The following PIBF1 variants were observed in gnomAD, a reference collection of about 807,000 sequenced individuals.
PIBF1 encodes progesterone immunomodulatory binding factor 1, also known as progesterone-induced-blocking factor 1.
Under a neutral mutation model 112.5 loss-of-function variants are expected in PIBF1, and 90 were observed. The observed-to-expected ratio is 0.80, with a 90% CI of 0.67 to 0.95. The LOEUF is 0.95. PIBF1 is among the 40% of genes least tolerant of loss of function. The pLI, the probability that PIBF1 is intolerant of heterozygous loss-of-function variation, is 0.00. For synonymous variants in PIBF1, 301 were observed against 288.6 expected, an observed-to-expected ratio of 1.04 and a Z score of -0.44; for missense variants, 915 against 852.3, an observed-to-expected ratio of 1.07 and a Z score of -0.92.
intron 10 of PIBF1, among the ~76,000 whole-genome samples, chr13:72,868,170 A>G (rs1045323729): frequency 1.3e-5 from 2 of 152,114 alleles, no homozygotes; most frequent in African/African-American, 2.4e-5. Context: ...CAGAGTGGGC[A>G]TGTGCCTATA....
chr13:72,903,178 C>T (rs1024633698), intron 11 of PIBF1, among the ~76,000 whole-genome samples: 2 of 152,148 alleles, frequency 1.3e-5, no homozygotes, highest in Non-Finnish European at 2.9e-5. Flanking sequence ...GGATTACAGG[C>T]GTGAGCCACC....
chr13:72,965,174 G>T (rs1201307862), intron 14 of PIBF1, 100 bp from the exon 15 acceptor site: 9 of 1,065,056 alleles, frequency 8.5e-6, no homozygotes, highest in Non-Finnish European at 1.1e-5. Flanking sequence ...AATAATTCAT[G>T]TCAAAGGAAT....
chr13:72,795,298 G>C (rs1214544916), intron 3 of PIBF1, 61 bp from the exon 4 acceptor site: 2 of 1,037,336 alleles, frequency 1.9e-6, no homozygotes, highest in Non-Finnish European at 2.9e-6. Context: ...ATAGGAAACT[G>C]TGAGAAAATT....
intron 10 of PIBF1, among the ~76,000 whole-genome samples, chr13:72,886,764 T>A (rs1167253332): frequency 6.6e-6 from 1 of 152,050 alleles, no homozygotes; most frequent in Non-Finnish European, 1.5e-5. Context: ...AAAAAAGACC[T>A]CTCACATTCA....
intron 11 of PIBF1, among the ~76,000 whole-genome samples, chr13:72,895,128 T>A (rs945440520): frequency 4.0e-5 from 6 of 151,836 alleles, no homozygotes; most frequent in Non-Finnish European, 7.4e-5. Flanking sequence ...ATCAAAAAAA[T>A]TTTTTAAAGT....
intron 15 of PIBF1, chr13:72,969,693 A>C (rs2042839728): frequency 6.6e-6 from 1 of 152,226 alleles, no homozygotes; most frequent in African/African-American, 2.4e-5. Flanking sequence ...TGGCATTTCA[A>C]ATCCTAGAGT....
At chr13:72,997,228 T>C (rs2043706453) in intron 16 of PIBF1, among the ~76,000 whole-genome samples, 1 of 152,212 alleles carries the variant, frequency 6.6e-6, no homozygotes, top group African/African-American at 2.4e-5. Context: ...GTTTTTCTTT[T>C]CATAGGCTTT....
chr13:72,959,183 A>G (rs1445495020), intron 14 of PIBF1, among the ~76,000 whole-genome samples: 1 of 145,446 alleles, frequency 6.9e-6, no homozygotes, highest in East Asian at 1.9e-4. Flanking sequence ...TTTAGTAGAG[A>G]CGGGGTTTTG....
intron 9 of PIBF1, chr13:72,836,029 A>G (rs1204254667): frequency 1.4e-5 from 6 of 416,756 alleles, no homozygotes; most frequent in African/African-American, 1.0e-4. Context: ...AACCGGGGAC[A>G]CAGAGCTTGC....
At position 72,904,863 on chromosome 13, in the gene PIBF1, TG is replaced by T; in HGVS notation, c.1489-3667del. Among the ~76,000 whole-genome samples, 5 of 152,224 alleles carry T rather than the reference TG, an allele frequency of 3.3e-5. No homozygotes were observed. The South Asian group carries it at 1.0e-3, about 32-fold the overall frequency. On this transcript the variant is annotated intron_variant, in intron 11 of 17. Coordinates refer to ENST00000326291, the MANE Select transcript of PIBF1 (RefSeq NM_006346.4). ...CTGTATGCACTGGATTTTTTTTTAA[TG>T]TCTAAGGTGAGAATAAAAGATTTTG... is the stretch of plus-strand genomic sequence containing the variant.
chr13:72,834,468 A>AG (rs1338891095), intron 8 of PIBF1, among the ~76,000 whole-genome samples: 1 of 152,134 alleles, frequency 6.6e-6, no homozygotes, highest in South Asian at 2.1e-4. Flanking sequence ...TATAAAAAAA[A>AG]GTTTTTAAAT....
Position 72,797,980 on chromosome 13 carries a change from CA to C in PIBF1, c.627del (p.Glu210LysfsTer3). On this transcript the variant is annotated frameshift_variant, in exon 5 of 18. Transcript: ENST00000326291. LOFTEE classifies it high-confidence loss of function. ...CELQVKKNIL[A>X]EELSTNKNQL... ...CTACAAGTGAAAAAGAATATCCTAG[CA>C]GAAGAATTAAGTACAAACAAAAACC... The C allele has an allele frequency of 6.2e-7, 1 of 1,608,454 alleles. No individual in the cohort carries two copies. Among genetic ancestry groups the C allele is most frequent in the South Asian group, 1.1e-5 (1 of 90,002 alleles).
chr13:72,986,333 G>A (rs2138984688), intron 16 of PIBF1, among the ~76,000 whole-genome samples: 1 of 152,286 alleles, frequency 6.6e-6, no homozygotes, highest in Non-Finnish European at 1.5e-5. Flanking sequence ...AAAGTAGTGA[G>A]AAGTCCAGGG....
intron 16 of PIBF1, among the ~76,000 whole-genome samples, chr13:72,997,073 TCTC>T (rs1167252387): frequency 6.6e-6 from 1 of 152,196 alleles, no homozygotes; most frequent in East Asian, 1.9e-4. Flanking sequence ...TCCCTTCTAA[TCTC>T]CTGACCACTA....
intron 14 of PIBF1, among the ~76,000 whole-genome samples, chr13:72,953,479 G>T (rs2042358439): frequency 6.6e-6 from 1 of 152,176 alleles, no homozygotes; most frequent in Non-Finnish European, 1.5e-5. Flanking sequence ...ATCCGCCAAG[G>T]ATCCAGTGAT....
chr13:72,805,047 C>T (rs969939925), intron 5 of PIBF1, among the ~76,000 whole-genome samples: 1 of 152,206 alleles, frequency 6.6e-6, no homozygotes, highest in African/African-American at 2.4e-5. Context: ...AGTCTCGGCT[C>T]ACTGGAACCT....
At chr13:72,917,526 A>G (rs571295075) in intron 13 of PIBF1, among the ~76,000 whole-genome samples, 61 of 151,834 alleles carry the variant, frequency 4.0e-4, no homozygotes, top group African/African-American at 1.4e-3. Context: ...AACTGCCTAC[A>G]TTCCTTCACA....
At chr13:72,838,657 G>A (rs1292679928) in intron 9 of PIBF1, among the ~76,000 whole-genome samples, 3 of 152,206 alleles carry the variant, frequency 2.0e-5, no homozygotes, top group African/African-American at 7.2e-5. Context: ...AATGGTTGAA[G>A]TATGGCTGCT....
At chr13:72,819,786 T>C (rs2036459659) in intron 5 of PIBF1, among the ~76,000 whole-genome samples, 1 of 152,124 alleles carries the variant, frequency 6.6e-6, no homozygotes, top group South Asian at 2.1e-4. Context: ...CTTTAAAGGC[T>C]TTTTGTTGGT....
Sources: allele counts gnomAD v4.1 joint callset (sites outside exome capture counted in the v4.1 genomes callset), GRCh38; gene constraint gnomAD v4.1.1; transcripts MANE v1.5; gene names NCBI Gene and HGNC (gene_info 2026-07-23, HGNC 2026-07-21).